PSG3: variants seen among roughly 807,000 people sequenced by gnomAD.
The protein encoded by PSG3 is pregnancy specific beta-1-glycoprotein 3, also known as pregnancy-specific beta-1-glycoprotein 3.
PSG3 carries 61 observed loss-of-function variants against 47.5 expected under a neutral mutation model. That is an observed-to-expected ratio of 1.28 (90% CI 1.05 to 1.59). The LOEUF is 1.59. PSG3 is among the 40% of genes most tolerant of loss of function. The pLI is 0.00. For missense variants in PSG3, 756 were observed against 524.0 expected, an observed-to-expected ratio of 1.44 and a Z score of -4.32; for synonymous variants, 263 against 198.4, an observed-to-expected ratio of 1.33 and a Z score of -2.74.
intron 2 of PSG3, among the ~76,000 whole-genome samples, chr19:42,735,741 T>C (rs1214501117): frequency 6.6e-6 from 1 of 152,204 alleles, no homozygotes; most frequent in Non-Finnish European, 1.5e-5. Flanking sequence ...GGAACAAATT[T>C]CAAGCTTGTT....
chr19:42,738,572 C>G, intron 2 of PSG3, 152 bp downstream of exon 2: 2 of 1,474,360 alleles, frequency 1.4e-6, no homozygotes, highest in Non-Finnish European at 1.9e-6. Context: ...TGAAATTTGT[C>G]TCTTCTGTGT....
Position 42,724,044 on chromosome 19 carries a change from A to G in PSG3, c.1244-19T>C. 6 of 1,604,652 alleles carry G rather than the reference A, an allele frequency of 3.7e-6. No homozygotes were observed. The highest frequency in any genetic ancestry group is 5.1e-6 in the Non-Finnish European group (6 of 1,171,498). On this transcript the variant is annotated intron_variant, in intron 5 of 6. Transcript: ENST00000327495. ...GAAGGAGCTGTCATGGAAAAAAAAG[A>G]AAAGAAGGAATGAAGATGATGTTAT...
chr19:42,732,929 A>G lies in PSG3; in HGVS notation c.564T>C (p.Pro188=). The stretch of plus-strand genomic sequence containing the variant: ...TGGACAACTGCAAGCTGTGAGTCAT[A>G]GGGAGGCTCTGACCATTCATCCACC... ...YLWWMNGQSL[P]MTHSLQLSKN... The change falls in exon 3 of 7, where the codon CCT becomes CCC. Residue 188 remains proline (P), a synonymous_variant. Transcript: ENST00000327495. 4 of 1,614,142 alleles carry G rather than the reference A, an allele frequency of 2.5e-6. No individual in the cohort carries two copies. Among genetic ancestry groups the G allele is most frequent in the Non-Finnish European group, 3.4e-6 (4 of 1,180,012 alleles).
At chr19:42,730,157 C>T (rs568778196) in intron 3 of PSG3, 101 bp from the exon 4 acceptor site, 68 of 1,550,916 alleles carry the variant, frequency 4.4e-5, no homozygotes, top group East Asian at 3.4e-4. Context: ...TCAGCCCACC[C>T]GAGTCCTTGA....
chr19:42,729,976 G>A lies in PSG3; in HGVS notation c.790C>T (p.Pro264Ser), dbSNP rs775193998. ...ATGTAGGTGTAGTTCTCACTCTTAG[G>A]TTCACAGGTGAAGGCTAAGACATCC... ...NKDVLAFTCEPKSENYTYIWW... is the reference protein window; with the variant it reads ...NKDVLAFTCESKSENYTYIWW... The change falls in exon 4 of 7, where the codon CCT becomes TCT. Residue 264 changes from proline (P) to serine (S), a missense_variant. Coordinates refer to ENST00000327495, the MANE Select transcript of PSG3 (RefSeq NM_021016.4). 38 of 1,612,256 alleles carry A rather than the reference G, an allele frequency of 2.4e-5. No individual in the cohort carries two copies. The East Asian group carries it at 6.9e-4, about 29-fold the overall frequency.
chr19:42,733,888 TGGTG>T (rs1969517999), intron 2 of PSG3, among the ~76,000 whole-genome samples: 1 of 152,218 alleles, frequency 6.6e-6, no homozygotes, highest in Non-Finnish European at 1.5e-5. Flanking sequence ...CAGAACCGAC[TGGTG>T]GAAAGGGCGA....
intron 6 of PSG3, among the ~76,000 whole-genome samples, chr19:42,722,505 C>G (rs566428222): frequency 6.6e-6 from 1 of 152,192 alleles, no homozygotes; most frequent in East Asian, 1.9e-4. Flanking sequence ...CCGCCCACCT[C>G]GGCCTCCCAA....
chr19:42,725,747 C>T (rs901130723), intron 5 of PSG3, among the ~76,000 whole-genome samples: 4 of 151,794 alleles, frequency 2.6e-5, no homozygotes, highest in African/African-American at 9.7e-5. Context: ...ACCTGTAGTC[C>T]TAGCATCTTG....
At chr19:42,727,189 A>G (rs1043682860) in intron 5 of PSG3, among the ~76,000 whole-genome samples, 2 of 152,236 alleles carry the variant, frequency 1.3e-5, no homozygotes, top group Non-Finnish European at 2.9e-5. Context: ...GAAAAGCTTC[A>G]TGATACTGGA....
intron 5 of PSG3, among the ~76,000 whole-genome samples, chr19:42,728,584 A>G (rs1448782339): frequency 6.6e-6 from 1 of 152,182 alleles, no homozygotes; most frequent in Non-Finnish European, 1.5e-5. Flanking sequence ...CTTTCTCCAC[A>G]GATGCTGGTC....
intron 5 of PSG3, among the ~76,000 whole-genome samples, chr19:42,726,849 A>C (rs1185906134): frequency 1.3e-5 from 2 of 152,230 alleles, no homozygotes; most frequent in African/African-American, 2.4e-5. Context: ...AGGAAGAATG[A>C]AGCTGGAGGA....
intron 2 of PSG3, among the ~76,000 whole-genome samples, chr19:42,736,227 C>G (rs8103264): frequency 0.17 from 25,406 of 152,086 alleles, 3,729 homozygotes; most frequent in African/African-American, 0.4. Context: ...CCAGAGTTTA[C>G]AAAATTTGTA....
Position 42,740,425 on chromosome 19 carries a change from C to G in PSG3, c.-41G>C, listed in dbSNP as rs557336199. On this transcript the variant is annotated 5_prime_UTR_variant, in exon 1 of 7. Coordinates refer to ENST00000327495, the MANE Select transcript of PSG3 (RefSeq NM_021016.4). Reference sequence around the variant, plus strand: ...CGTGTTCTCCTCTGTGGAGCTGAGCCTAGGATCCAGAAACTTCCTGAGCAT... The same window carrying G: ...CGTGTTCTCCTCTGTGGAGCTGAGCGTAGGATCCAGAAACTTCCTGAGCAT... 3 of 1,613,716 alleles carry G rather than the reference C, an allele frequency of 1.9e-6. No homozygotes were observed. In the African/African-American group the frequency reaches 4.0e-5, roughly 22 times the overall value.
chr19:42,735,575 C>T (rs1568753788), intron 2 of PSG3, among the ~76,000 whole-genome samples: 1 of 152,108 alleles, frequency 6.6e-6, no homozygotes. Context: ...ACCATGTTAG[C>T]CAGGATGGTC....
Position 42,724,366 on chromosome 19 carries a change from T to A in PSG3, c.1244-341A>T, listed in dbSNP as rs1000146576. On this transcript the variant is annotated intron_variant, in intron 5 of 6. Transcript: ENST00000327495. ...TGCATCTTTTTCTCAGTGTCTCTGT[T>A]GTGGCAGTCATGAATGAGACCCTGC... 5.3e-5 allele frequency among the ~76,000 whole-genome samples: 8 copies of A among 152,232 alleles called. No individual in the cohort carries two copies. The East Asian group carries it at 1.5e-3, about 29-fold the overall frequency.
At chr19:42,730,366 G>T (rs566482632) in intron 3 of PSG3, among the ~76,000 whole-genome samples, 1 of 152,152 alleles carries the variant, frequency 6.6e-6, no homozygotes, top group Non-Finnish European at 1.5e-5. Flanking sequence ...ATAATCAGTT[G>T]ACTGGCTGGC....
chr19:42,740,182 G>A, intron 1 of PSG3, 139 bp downstream of exon 1: 4 of 1,537,990 alleles, frequency 2.6e-6, no homozygotes, highest in Non-Finnish European at 3.5e-6. Context: ...TTGAACTCCT[G>A]ATCTCGTGAT....
At chr19:42,739,959 T>G (rs1969641590) in intron 1 of PSG3, among the ~76,000 whole-genome samples, 1 of 139,960 alleles carries the variant, frequency 7.1e-6, no homozygotes. Flanking sequence ...CTTTCCATTC[T>G]TTTTTTTTTT....
At chr19:42,722,206 CAT>C in intron 6 of PSG3, 116 bp from the exon 7 acceptor site, 1 of 396,946 alleles carries the variant, frequency 2.5e-6, no homozygotes, top group Admixed American at 4.4e-5. Context: ...ACTATGATAA[CAT>C]ATTTGATTTC....
Sources: gnomAD v4.1 joint callset for allele counts (sites outside exome capture counted in the v4.1 genomes callset) on GRCh38, gnomAD v4.1.1 for gene constraint, MANE v1.5 for transcripts, NCBI Gene and HGNC (gene_info 2026-07-23, HGNC 2026-07-21) for gene names.